ATP2B1: variants seen among roughly 807,000 people sequenced by gnomAD.
ATP2B1 encodes the protein plasma membrane calcium-transporting ATPase 1.
A neutral mutation model predicts 124.2 loss-of-function variants in ATP2B1; 14 were observed. The ratio of observed to expected loss-of-function variants is 0.11; its 90% CI spans 0.07 to 0.18. The LOEUF is 0.18. ATP2B1 is among the 10% of genes least tolerant of loss of function. The probability of loss-of-function intolerance (pLI) is 1.00; values close to 1 mark genes in which losing one functional copy is unlikely to be tolerated. For synonymous variants in ATP2B1, 449 were observed against 492.4 expected, an observed-to-expected ratio of 0.91 and a Z score of 1.17; for missense variants, 763 against 1,466.1, an observed-to-expected ratio of 0.52 and a Z score of 7.83.
chr12:89,604,118 A>G, intron 16 of ATP2B1, 37 bp downstream of exon 16: 1 of 1,582,902 alleles, frequency 6.3e-7, no homozygotes, highest in Non-Finnish European at 8.6e-7. Flanking sequence ...TTTTAAATTT[A>G]AAGTAAACAA....
chr12:89,588,817 AAAAAG>A lies in ATP2B1; in HGVS notation c.*2162_*2166del, dbSNP rs1014014123. On this transcript the variant is annotated 3_prime_UTR_variant, in exon 21 of 21. Coordinates refer to ENST00000428670, the MANE Select transcript of ATP2B1 (RefSeq NM_001366521.1). ...TTCATATTTAAGCATAACCAAAATA[AAAAAG>A]AAAACTGAAAACATTTCCCTTTTCT... The A allele has an allele frequency of 1.2e-4, 18 of 152,646 alleles. No homozygotes were observed. Among genetic ancestry groups the A allele is most frequent in the African/African-American group, 3.9e-4 (16 of 41,458 alleles). 9.5% of individuals were successfully genotyped at this position (152,646 alleles called of 1,614,324 possible).
chr12:89,609,864 C>CAACAAACAAACA (rs370724894), intron 15 of ATP2B1, 73 bp downstream of exon 15: 2 of 1,365,322 alleles, frequency 1.5e-6, no homozygotes, highest in Admixed American at 3.6e-5. Context: ...GTAATTTAGT[C>CAACAAACAAACA]AACAAACAAA....
chr12:89,640,441 T>G (rs991626180), intron 3 of ATP2B1, among the ~76,000 whole-genome samples: 1 of 152,172 alleles, frequency 6.6e-6, no homozygotes, highest in Non-Finnish European at 1.5e-5. Context: ...GAATGAATAT[T>G]GTGACAAATA....
At chr12:89,704,932 C>G (rs114804100) in intron 1 of ATP2B1, among the ~76,000 whole-genome samples, 2,263 of 152,160 alleles carry the variant, frequency 0.015, 51 homozygotes, top group African/African-American at 0.053. Context: ...CTGAAAAATA[C>G]AAATACAAAA....
intron 1 of ATP2B1, among the ~76,000 whole-genome samples, chr12:89,681,606 T>A (rs1889362332): frequency 2.0e-5 from 3 of 152,116 alleles, no homozygotes; most frequent in Non-Finnish European, 4.4e-5. Flanking sequence ...AGAGAAAATT[T>A]AGACCAACAT....
intron 1 of ATP2B1, among the ~76,000 whole-genome samples, chr12:89,680,346 A>G (rs988065606): frequency 5.3e-5 from 8 of 152,188 alleles, no homozygotes; most frequent in Admixed American, 2.0e-4. Flanking sequence ...TGGAACCAAA[A>G]ATTCAAAAAC....
chr12:89,598,993 A>C, intron 20 of ATP2B1, 124 bp downstream of exon 20: 6 of 1,200,308 alleles, frequency 5.0e-6, no homozygotes, highest in Non-Finnish European at 4.7e-6. Flanking sequence ...TTACTTTTCA[A>C]GAGAATACAA....
intron 1 of ATP2B1, among the ~76,000 whole-genome samples, chr12:89,662,139 T>C (rs934369354): frequency 7.2e-6 from 1 of 139,464 alleles, no homozygotes; most frequent in Admixed American, 7.1e-5. Flanking sequence ...CTTTCTTTCT[T>C]TTTTTTTTTT....
rs764482904 is a variant in ATP2B1 at position 89,655,705 on chromosome 12, G to A, written c.182C>T (p.Thr61Ile). Residue 61 changes from threonine to isoleucine, a missense_variant, in exon 2 of 21, where the codon ACC becomes ATC. Thr to Ile is a moderately conservative substitution (Grantham distance 89). Coordinates refer to ENST00000428670, the MANE Select transcript of ATP2B1 (RefSeq NM_001366521.1). Reference protein sequence around the residue: ...ESYGDVYGICTKLKTSPNEGL... With the variant: ...ESYGDVYGICIKLKTSPNEGL... ...TTCATTGGGAGATGTTTTCAATTTG[G>A]TGCAAATTCCATAGACATCTCCATA... The A allele has an allele frequency of 3.1e-6, 5 of 1,614,048 alleles. No homozygotes were observed. Among genetic ancestry groups the A allele is most frequent in the Non-Finnish European group, 4.2e-6 (5 of 1,179,976 alleles).
intron 1 of ATP2B1, among the ~76,000 whole-genome samples, chr12:89,670,500 G>T (rs1017237392): frequency 1.3e-5 from 2 of 151,704 alleles, no homozygotes; most frequent in African/African-American, 2.4e-5. Context: ...TATACTGCCA[G>T]ATGCTGAGGT....
chr12:89,692,704 A>G (rs1459338107), intron 1 of ATP2B1, among the ~76,000 whole-genome samples: 1 of 152,174 alleles, frequency 6.6e-6, no homozygotes, highest in African/African-American at 2.4e-5. Flanking sequence ...ATTTTCACTT[A>G]GCAAACATTT....
chr12:89,646,041 G>A (rs558393391), intron 2 of ATP2B1, among the ~76,000 whole-genome samples: 160 of 152,206 alleles, frequency 1.1e-3, no homozygotes, highest in Middle Eastern at 6.8e-3. Flanking sequence ...ATCAGACAAC[G>A]TACTTAAGGA....
chr12:89,659,473 A>G (rs1174821963), intron 1 of ATP2B1, among the ~76,000 whole-genome samples: 1 of 152,192 alleles, frequency 6.6e-6, no homozygotes, highest in East Asian at 1.9e-4. Context: ...ACTGACATAT[A>G]ATCTTTACTG....
At chr12:89,690,164 A>G (rs1435837728) in intron 1 of ATP2B1, among the ~76,000 whole-genome samples, 1 of 152,142 alleles carries the variant, frequency 6.6e-6, no homozygotes, top group African/African-American at 2.4e-5. Context: ...CAAAATAAAT[A>G]CCAGAACATA....
chr12:89,604,374 C>G (rs371960714), intron 15 of ATP2B1, 28 bp from the exon 16 acceptor site: 72 of 1,546,500 alleles, frequency 4.7e-5, no homozygotes, highest in Non-Finnish European at 6.1e-5. Context: ...GTGAATTAGA[C>G]TAAATGTTTT....
In ATP2B1 at chr12:89,633,717, CT is replaced by C. The variant is rs375084609; in HGVS notation, c.787+1060del. Among the ~76,000 whole-genome samples the C allele has an allele frequency of 3.9e-5, 6 of 152,170 alleles. No homozygotes were observed. In the East Asian group the frequency reaches 1.2e-3, roughly 29 times the overall value. ...AGTTGTGATTCTAACTTAACTGACC[CT>C]TGTGGATATCACAGGTTTGACTCTG... On this transcript the variant is annotated intron_variant, in intron 5 of 20. Coordinates refer to ENST00000428670, the MANE Select transcript of ATP2B1 (RefSeq NM_001366521.1).
chr12:89,621,827 C>T (rs7139110), intron 9 of ATP2B1, 36 bp from the exon 10 acceptor site: 25 of 1,474,248 alleles, frequency 1.7e-5, no homozygotes, highest in South Asian at 1.6e-4. Context: ...AGTTAAGCTG[C>T]ATATAAAACC....
chr12:89,681,103 T>C (rs1889297131), intron 1 of ATP2B1, among the ~76,000 whole-genome samples: 2 of 152,284 alleles, frequency 1.3e-5, no homozygotes, highest in South Asian at 2.1e-4. Context: ...ATGGCAAGCA[T>C]TTAATATAGT....
At chr12:89,708,882 GC>G (rs1287607827), upstream of ATP2B1, 1 of 152,084 alleles carries the variant, frequency 6.6e-6, no homozygotes, top group Non-Finnish European at 1.5e-5. Context: ...GCGGCGCCCG[GC>G]CGTCCCCGCC....
Sources: allele counts gnomAD v4.1 joint callset (sites outside exome capture counted in the v4.1 genomes callset), GRCh38; gene constraint gnomAD v4.1.1; transcripts MANE v1.5; gene names NCBI Gene and HGNC (gene_info 2026-07-23, HGNC 2026-07-21).